LAMA2: variants seen among roughly 807,000 people sequenced by gnomAD.
The protein encoded by LAMA2 is laminin subunit alpha-2.
A neutral mutation model predicts 364.8 loss-of-function variants in LAMA2; 269 were observed. The observed-to-expected ratio is 0.74, with a 90% CI of 0.67 to 0.82. LAMA2 has a LOEUF of 0.82. Among genes scored for constraint, LAMA2 ranks in the 40% least tolerant of loss-of-function variants. LAMA2 has a pLI of 0.00. For synonymous variants in LAMA2, 1,379 were observed against 1,370.6 expected, an observed-to-expected ratio of 1.01 and a Z score of -0.14; for missense variants, 3,807 against 3,873.2, an observed-to-expected ratio of 0.98 and a Z score of 0.45.
At chr6:128,981,232 T>C (rs2114638644) in intron 1 of LAMA2, among the ~76,000 whole-genome samples, 1 of 152,274 alleles carries the variant, frequency 6.6e-6, no homozygotes, top group East Asian at 1.9e-4. Context: ...ACTATCCTAT[T>C]TTAAGATCAG....
chr6:129,321,230 C>T (rs1774946317), intron 28 of LAMA2, among the ~76,000 whole-genome samples: 1 of 152,048 alleles, frequency 6.6e-6, no homozygotes. Flanking sequence ...TCAAGATTGT[C>T]AAATTTCTTA....
At chr6:129,501,228 T>C (rs915466248) in intron 58 of LAMA2, among the ~76,000 whole-genome samples, 1 of 152,150 alleles carries the variant, frequency 6.6e-6, no homozygotes, top group African/African-American at 2.4e-5. Context: ...CCATTCGGGC[T>C]CTTTTTGCAG....
At chr6:129,334,970 C>T (rs1395595983) in intron 29 of LAMA2, among the ~76,000 whole-genome samples, 1 of 152,156 alleles carries the variant, frequency 6.6e-6, no homozygotes, top group Non-Finnish European at 1.5e-5. Flanking sequence ...CCATAGCAAG[C>T]CTTAACCCCC....
intron 37 of LAMA2, among the ~76,000 whole-genome samples, chr6:129,398,472 C>CTTTTTTTTTTTTTTTTTTTTTTTTTTT (rs71028159): frequency 8.1e-5 from 9 of 110,540 alleles, no homozygotes; most frequent in Non-Finnish European, 8.9e-5. Context: ...CTTTTCTTTT[C>CTTTTTTTTTTTTTTTTTTTTTTTTTTT]TTTTTTTTTT....
intron 43 of LAMA2, among the ~76,000 whole-genome samples, chr6:129,441,357 G>A (rs1378611148): frequency 2.0e-5 from 3 of 152,136 alleles, no homozygotes; most frequent in South Asian, 2.1e-4. Context: ...GAAGTGTCAT[G>A]GAACATAGAG....
intron 40 of LAMA2, among the ~76,000 whole-genome samples, chr6:129,414,722 A>T (rs1028189811): frequency 1.3e-5 from 2 of 152,312 alleles, no homozygotes; most frequent in African/African-American, 4.8e-5. Flanking sequence ...TTCTTTTTCT[A>T]AATTCATGAT....
intron 39 of LAMA2, among the ~76,000 whole-genome samples, chr6:129,403,512 T>C (rs1780087268): frequency 6.6e-6 from 1 of 152,208 alleles, no homozygotes; most frequent in Non-Finnish European, 1.5e-5. Context: ...ACAGCATGCT[T>C]CACAAATAAG....
intron 1 of LAMA2, among the ~76,000 whole-genome samples, chr6:128,921,788 T>C (rs1428522754): frequency 1.3e-5 from 2 of 151,556 alleles, no homozygotes; most frequent in Non-Finnish European, 2.9e-5. Context: ...ACATGTGTCA[T>C]GCTTGTGCGC....
Position 129,177,744 on chromosome 6 carries a change from G to A in LAMA2, c.1345G>A (p.Gly449Arg). The change falls in exon 10 of 65, where the codon GGA becomes AGA. Residue 449 changes from glycine (G) to arginine (R), a missense_variant. Physicochemically the swap from Gly to Arg is moderately radical, Grantham distance 125. This residue lies in a region of LAMA2 where 3,333 missense variants were observed against 3,345.7 expected (regional missense o/e 1.00). Coordinates refer to ENST00000421865, the MANE Select transcript of LAMA2 (RefSeq NM_000426.4). ...ATCCTGTCATTGCAAAACTGGTTTT[G>A]GAGGTGTGAGCTGTGATCGGTGTGC... ...PGSCHCKTGF[G>R]GVSCDRCARG... is the part of the protein sequence containing the mutation. 1 of 1,613,958 alleles carries A rather than the reference G, an allele frequency of 6.2e-7. No individual in the cohort carries two copies. The highest frequency in any genetic ancestry group is 8.5e-7 in the Non-Finnish European group (1 of 1,179,952).
In LAMA2 at chr6:129,206,060, G is replaced by A. The variant is rs1583248323; in HGVS notation, c.1782+13207G>A. Reference sequence around the variant, plus strand: ...AAGGAAAAGAAAAAAAGGAAGGGAAGGGAAGGGAAAGGAAAGGAAAGGAGG... The same window carrying A: ...AAGGAAAAGAAAAAAAGGAAGGGAAAGGAAGGGAAAGGAAAGGAAAGGAGG... On this transcript the variant is annotated intron_variant, in intron 12 of 64. Transcript: ENST00000421865. Among the ~76,000 whole-genome samples, 6 of 135,066 alleles carry A rather than the reference G, an allele frequency of 4.4e-5. 1 individual carries two copies. The highest frequency in any genetic ancestry group is 1.4e-4 in the African/African-American group (5 of 35,486). The allele number at this position is 135,066 out of a possible 152,430, so 88.6% of individuals were successfully genotyped here. A position where few individuals can be genotyped will look rare whatever the true frequency, so the allele number is the denominator to read the frequency against.
intron 12 of LAMA2, among the ~76,000 whole-genome samples, chr6:129,200,133 T>TAC (rs1782115874): frequency 7.9e-6 from 1 of 126,852 alleles, no homozygotes; most frequent in Non-Finnish European, 1.7e-5. Context: ...TGTATATATA[T>TAC]ACGTGTACAC....
intron 45 of LAMA2, among the ~76,000 whole-genome samples, chr6:129,448,293 A>G (rs1350677074): frequency 6.6e-6 from 1 of 152,188 alleles, no homozygotes; most frequent in East Asian, 1.9e-4. Context: ...CCCCCAAAAA[A>G]AAAGAGAAGA....
intron 9 of LAMA2, 58 bp downstream of exon 9, chr6:129,165,733 T>C: frequency 1.0e-6 from 1 of 1,003,868 alleles, no homozygotes; most frequent in Non-Finnish European, 1.6e-6. Flanking sequence ...AAGCCAAATA[T>C]GATTATTTTC....
intron 17 of LAMA2, among the ~76,000 whole-genome samples, chr6:129,272,742 A>G (rs916882245): frequency 2.6e-5 from 4 of 152,122 alleles, no homozygotes; most frequent in Non-Finnish European, 5.9e-5. Flanking sequence ...GGTTGGCATT[A>G]CCACCTGAGC....
intron 4 of LAMA2, among the ~76,000 whole-genome samples, chr6:129,123,802 GAGATCT>G (rs1245200492): frequency 6.6e-6 from 1 of 152,152 alleles, no homozygotes; most frequent in Non-Finnish European, 1.5e-5. Context: ...TTAAGTCCTC[GAGATCT>G]ACTGTACCGC....
At chr6:128,903,499 T>C (rs1032139917) in intron 1 of LAMA2, among the ~76,000 whole-genome samples, 3 of 152,172 alleles carry the variant, frequency 2.0e-5, no homozygotes, top group Non-Finnish European at 2.9e-5. Context: ...CCTTCTGAAA[T>C]CATTTACAAA....
chr6:129,376,532 G>A (rs558363530), intron 34 of LAMA2, among the ~76,000 whole-genome samples: 56 of 152,158 alleles, frequency 3.7e-4, no homozygotes, highest in Non-Finnish European at 7.2e-4. Context: ...CCTTAGGCTC[G>A]TAGGATAAAG....
At chr6:129,291,021 G>T (rs1057119186) in intron 19 of LAMA2, among the ~76,000 whole-genome samples, 2 of 151,874 alleles carry the variant, frequency 1.3e-5, no homozygotes, top group African/African-American at 4.8e-5. Context: ...ACACAAAACC[G>T]GCACACAGTA....
intron 1 of LAMA2, among the ~76,000 whole-genome samples, chr6:129,031,002 TTGC>T (rs1380848405): frequency 6.6e-6 from 1 of 152,208 alleles, no homozygotes; most frequent in Non-Finnish European, 1.5e-5. Context: ...TTATATGTGC[TTGC>T]TAAATGAAAA....
Sources: allele counts gnomAD v4.1 joint callset (sites outside exome capture counted in the v4.1 genomes callset), GRCh38; gene constraint gnomAD v4.1.1; regional missense constraint gnomAD v4.1.1; transcripts MANE v1.5; gene names NCBI Gene and HGNC (gene_info 2026-07-23, HGNC 2026-07-21).